The following NLGN4X variants were observed in gnomAD, a reference collection of about 807,000 sequenced individuals.
The protein encoded by NLGN4X is neuroligin 4 X-linked, also known as neuroligin-4, X-linked.
A neutral mutation model predicts 40.3 loss-of-function variants in NLGN4X; 3 were observed. That is an observed-to-expected ratio of 0.07 (90% CI 0.03 to 0.19). NLGN4X has a LOEUF of 0.19. Among genes scored for constraint, NLGN4X ranks in the 10% least tolerant of loss-of-function variants. The pLI, the probability that NLGN4X is intolerant of heterozygous loss-of-function variation, is 1.00. For synonymous variants in NLGN4X, 270 were observed against 306.8 expected, an observed-to-expected ratio of 0.88 and a Z score of 1.25; for missense variants, 382 against 708.3, an observed-to-expected ratio of 0.54 and a Z score of 5.23.
chrX:6,032,757 T>C (rs1189664385), intron 2 of NLGN4X: 1 of 1,125,047 alleles, frequency 8.9e-7, no homozygotes, highest in Non-Finnish European at 1.2e-6. Flanking sequence ...GCTCCTGGGG[T>C]CATATTGAGA....
At chrX:6,160,497 TTTAAC>T (rs1181041234) in intron 1 of NLGN4X, among the ~76,000 whole-genome samples, 1 of 109,884 alleles carries the variant, frequency 9.1e-6, no homozygotes, top group South Asian at 3.8e-4. Context: ...GAGTTTGTAC[TTTAAC>T]TTATCATATA....
intron 3 of NLGN4X, among the ~76,000 whole-genome samples, chrX:5,978,341 TTTCC>T (rs2035273198): frequency 1.1e-4 from 1 of 9,437 alleles, no homozygotes; most frequent in African/African-American, 3.3e-4. Context: ...TCTTTCTTTC[TTTCC>T]CTTCCTTCTC....
At chrX:5,977,226 AT>A (rs1214732829) in intron 3 of NLGN4X, among the ~76,000 whole-genome samples, 1 of 111,137 alleles carries the variant, frequency 9.0e-6, no homozygotes, top group Non-Finnish European at 1.9e-5. Flanking sequence ...ACTTATTTTT[AT>A]TTTTTAGAGA....
At chrX:6,001,335 C>A (rs12012019) in intron 3 of NLGN4X, among the ~76,000 whole-genome samples, 31,029 of 110,861 alleles carry the variant, frequency 0.28, 3,913 homozygotes, top group African/African-American at 0.49. Context: ...AAATGGAGTA[C>A]AACTAAAAGA....
intron 3 of NLGN4X, among the ~76,000 whole-genome samples, chrX:5,919,846 T>G (rs1392457413): frequency 8.9e-6 from 1 of 111,916 alleles, no homozygotes; most frequent in Non-Finnish European, 1.9e-5. Flanking sequence ...TTGCCTGACT[T>G]ATCATTGAGT....
At chrX:6,138,556 C>T (rs189969776) in intron 2 of NLGN4X, among the ~76,000 whole-genome samples, 168 of 111,636 alleles carry the variant, frequency 1.5e-3, no homozygotes, top group African/African-American at 4.9e-3. Context: ...TTCATTTGTT[C>T]CATGTACTGA....
chrX:6,069,775 C>G (rs2038014780), intron 2 of NLGN4X, among the ~76,000 whole-genome samples: 1 of 112,003 alleles, frequency 8.9e-6, no homozygotes, highest in Non-Finnish European at 1.9e-5. Context: ...CAGAAGTGTG[C>G]CTGTGTGAGA....
intron 1 of NLGN4X, chrX:6,227,119 TGGGAGGCGGGGAAGCG>T (rs1471725163): frequency 8.9e-6 from 1 of 111,914 alleles, no homozygotes; most frequent in Admixed American, 9.4e-5. Flanking sequence ...GCGCGGGAAT[TGGGAGGCGGGGAAGCG>T]GGGAGGCGGG....
chrX:6,080,544 C>A (rs941787368), intron 2 of NLGN4X, among the ~76,000 whole-genome samples: 1 of 111,670 alleles, frequency 9.0e-6, no homozygotes, highest in Non-Finnish European at 1.9e-5. Context: ...CAAGTAACAG[C>A]TCAAGAGAAC....
At chrX:5,939,877 G>A (rs769016113) in intron 3 of NLGN4X, among the ~76,000 whole-genome samples, 1 of 111,775 alleles carries the variant, frequency 8.9e-6, no homozygotes, top group African/African-American at 3.2e-5. Flanking sequence ...TAACTACCTG[G>A]AGGTTCTTTC....
At chrX:6,180,643 G>C (rs1032876848) in intron 1 of NLGN4X, among the ~76,000 whole-genome samples, 1 of 111,225 alleles carries the variant, frequency 9.0e-6, no homozygotes, top group Non-Finnish European at 1.9e-5. Flanking sequence ...GTAATGCTGG[G>C]TATGAGAGTT....
At chrX:6,048,957 T>C (rs758784022) in intron 2 of NLGN4X, among the ~76,000 whole-genome samples, 28 of 106,855 alleles carry the variant, frequency 2.6e-4, no homozygotes, top group African/African-American at 9.5e-4. Context: ...CGTTTACCTA[T>C]GCAACACACC....
At chrX:6,027,735 T>G (rs763091889) in intron 3 of NLGN4X, among the ~76,000 whole-genome samples, 1 of 110,954 alleles carries the variant, frequency 9.0e-6, no homozygotes, top group African/African-American at 3.3e-5. Flanking sequence ...GAAAACATTT[T>G]CAGTCATATT....
At chrX:6,221,077 A>ATTATTTAT (rs759066236) in intron 1 of NLGN4X, among the ~76,000 whole-genome samples, 1 of 106,943 alleles carries the variant, frequency 9.4e-6, no homozygotes. Context: ...ATTTTTATTT[A>ATTATTTAT]TTATTTATTT....
intron 3 of NLGN4X, among the ~76,000 whole-genome samples, chrX:5,987,961 T>TA (rs2035574806): frequency 9.0e-6 from 1 of 111,507 alleles, no homozygotes; most frequent in Non-Finnish European, 1.9e-5. Context: ...GTTGTAGTCC[T>TA]AGCTACTCAG....
chrX:6,029,242 T>C (rs1210799140), intron 3 of NLGN4X, 38 bp downstream of exon 3: 2 of 1,199,517 alleles, frequency 1.7e-6, no homozygotes, highest in Middle Eastern at 2.9e-4. Context: ...TTTTCATGTT[T>C]CCTCTTGCTC....
At chrX:5,995,821 G>A (rs2035802447) in intron 3 of NLGN4X, among the ~76,000 whole-genome samples, 1 of 111,736 alleles carries the variant, frequency 8.9e-6, no homozygotes, top group Non-Finnish European at 1.9e-5. Flanking sequence ...AGAGTTCACT[G>A]ACATCTGGAT....
At chrX:5,943,999 G>A (rs986367784) in intron 3 of NLGN4X, among the ~76,000 whole-genome samples, 1 of 111,724 alleles carries the variant, frequency 9.0e-6, no homozygotes, top group African/African-American at 3.3e-5. Context: ...TCTATTTTGG[G>A]GACACCCTTT....
In NLGN4X at chrX:6,213,720, A is replaced by G. The variant is rs149554680; in HGVS notation, c.-306+14821T>C. On this transcript the variant is annotated intron_variant, in intron 1 of 5. Transcript: ENST00000381095. ...TAAAAGTAGTCAATGTGTAAGAATC[A>G]AAGAGTCAGAATTATCATCTCAGTG... Among the ~76,000 whole-genome samples, 607 of 112,477 alleles carry G rather than the reference A, an allele frequency of 5.4e-3. 6 individuals are homozygous for G. The highest frequency in any genetic ancestry group is 0.019 in the African/African-American group (587 of 30,964).
Sources: gnomAD v4.1 joint callset for allele counts (sites outside exome capture counted in the v4.1 genomes callset) on GRCh38, gnomAD v4.1.1 for gene constraint, MANE v1.5 for transcripts, NCBI Gene and HGNC (gene_info 2026-07-23, HGNC 2026-07-21) for gene names.